Variants in PBX1 observed in about 807,000 individuals in gnomAD.
PBX1 encodes the protein pre-B-cell leukemia transcription factor 1.
Under a neutral mutation model 53.4 loss-of-function variants are expected in PBX1, and 6 were observed. The observed-to-expected ratio is 0.11, with a 90% CI of 0.06 to 0.22. The LOEUF (loss-of-function observed/expected upper bound fraction) is 0.22, where lower values mean the gene tolerates loss of function less well. Ranked by LOEUF, PBX1 falls within the 10% of genes least tolerant of loss-of-function variation. The pLI, the probability that PBX1 is intolerant of heterozygous loss-of-function variation, is 1.00. For synonymous variants in PBX1, 204 were observed against 212.3 expected (o/e 0.96, Z 0.34); for missense variants, 251 against 551.4 (o/e 0.46, Z 5.46).
At chr1:164,578,521 A>G (rs1654407582) in intron 2 of PBX1, among the ~76,000 whole-genome samples, 1 of 152,174 alleles carries the variant, frequency 6.6e-6, no homozygotes, top group African/African-American at 2.4e-5. Context: ...AACTTCTCCC[A>G]TGCCTGAAGT....
At chr1:164,640,451 G>A (rs1355180025) in intron 2 of PBX1, among the ~76,000 whole-genome samples, 1 of 151,882 alleles carries the variant, frequency 6.6e-6, no homozygotes, top group Non-Finnish European at 1.5e-5. Context: ...TCAGCAGATT[G>A]CTCCTGGTGC....
At chr1:164,818,615 G>A (rs1669989663) in intron 6 of PBX1, 1 of 151,776 alleles carries the variant, frequency 6.6e-6, no homozygotes, top group African/African-American at 2.4e-5. Flanking sequence ...ACATCCCACA[G>A]GACAAAGAAA....
At chr1:164,852,721 C>T (rs984501661), downstream of PBX1, among the ~76,000 whole-genome samples, 2 of 152,200 alleles carry the variant, frequency 1.3e-5, no homozygotes, top group African/African-American at 4.8e-5. Flanking sequence ...TAGATCAAAG[C>T]ATCCCCAGCC....
chr1:164,682,766 T>C (rs1393543960), intron 2 of PBX1: 2 of 152,172 alleles, frequency 1.3e-5, no homozygotes, highest in Non-Finnish European at 2.9e-5. Flanking sequence ...CTGTGGCTGC[T>C]GCCATTGCAG....
At chr1:164,606,654 G>A (rs1656581990) in intron 2 of PBX1, among the ~76,000 whole-genome samples, 1 of 152,168 alleles carries the variant, frequency 6.6e-6, no homozygotes, top group African/African-American at 2.4e-5. Context: ...TTTCCTGCTG[G>A]AACATAAGCT....
intron 2 of PBX1, among the ~76,000 whole-genome samples, chr1:164,748,824 C>T (rs780016938): frequency 7.2e-5 from 11 of 152,110 alleles, no homozygotes; most frequent in East Asian, 3.9e-4. Flanking sequence ...TCACCCTAAC[C>T]GCATGGGACT....
rs112751333 is a variant in PBX1 at position 164,748,263 on chromosome 1, C to T, written c.266-44231C>T. ...AAAAGGTGTGTGTGTCTCCAGGGTA[C>T]GTGGAGAGCCAGTTCATTGAGGTTC... On this transcript the variant is annotated intron_variant, in intron 2 of 8. Coordinates refer to ENST00000420696, the MANE Select transcript of PBX1 (RefSeq NM_002585.4). Among the ~76,000 whole-genome samples the T allele has an allele frequency of 5.1e-3, 775 of 152,240 alleles. 10 individuals are homozygous for T. Among genetic ancestry groups the T allele is most frequent in the African/African-American group, 0.018 (727 of 41,528 alleles).
Position 164,846,789 on chromosome 1 carries a change from A to G in PBX1, c.*113A>G. 7.0e-6 allele frequency: 11 copies of G among 1,582,396 alleles called. No homozygotes were observed. Among genetic ancestry groups the G allele is most frequent in the Non-Finnish European group, 8.6e-6 (10 of 1,164,990 alleles). On this transcript the variant is annotated 3_prime_UTR_variant, in exon 9 of 9. Coordinates refer to ENST00000420696, the MANE Select transcript of PBX1 (RefSeq NM_002585.4). ...CAGACTGGAGGTCGAAGCAATCAGC[A>G]AACACAATAAGAGTCTCCTTCTCTT...
At chr1:164,784,796 C>T (rs1192921404) in intron 2 of PBX1, among the ~76,000 whole-genome samples, 4 of 152,192 alleles carry the variant, frequency 2.6e-5, no homozygotes, top group African/African-American at 9.7e-5. Context: ...GCCGCAAATT[C>T]TTGCCTTTGT....
At chr1:164,877,759 G>T (rs551438607) in intron 2 of PBX1, among the ~76,000 whole-genome samples, 103 of 152,172 alleles carry the variant, frequency 6.8e-4, no homozygotes, top group African/African-American at 2.2e-3. Context: ...TACATTTGAA[G>T]TGTACAATTT....
At chr1:164,751,045 G>A (rs1666183843) in intron 2 of PBX1, among the ~76,000 whole-genome samples, 1 of 152,130 alleles carries the variant, frequency 6.6e-6, no homozygotes, top group Non-Finnish European at 1.5e-5. Flanking sequence ...GCTGGGTGCG[G>A]TGACTCATGC....
At chr1:164,639,845 G>A (rs1659010993) in intron 2 of PBX1, among the ~76,000 whole-genome samples, 1 of 151,932 alleles carries the variant, frequency 6.6e-6, no homozygotes, top group African/African-American at 2.4e-5. Flanking sequence ...TCTATTTTTT[G>A]TAGAGATGAG....
intron 2 of PBX1, among the ~76,000 whole-genome samples, chr1:164,747,119 G>C (rs1327164342): frequency 6.6e-6 from 1 of 152,072 alleles, no homozygotes; most frequent in South Asian, 2.1e-4. Context: ...AATTTGCTGA[G>C]TACCAGCTCT....
chr1:164,747,443 C>A (rs1381784767), intron 2 of PBX1, among the ~76,000 whole-genome samples: 2 of 151,952 alleles, frequency 1.3e-5, no homozygotes, highest in African/African-American at 4.8e-5. Context: ...TGCTTATATT[C>A]TTGGCCTGTT....
chr1:164,848,924 A>G lies in PBX1; in HGVS notation c.*2248A>G. ...CAAAAACTAAGTATTTAGCAAAATG[A>G]AATTATGCCTTGATGACTAAAAGGC... is the stretch of plus-strand genomic sequence containing the variant. On this transcript the variant is annotated 3_prime_UTR_variant, in exon 9 of 9. Coordinates refer to ENST00000420696, the MANE Select transcript of PBX1 (RefSeq NM_002585.4). 1 of 1,071,478 alleles carries G rather than the reference A, an allele frequency of 9.3e-7. No individual in the cohort carries two copies. Among genetic ancestry groups the G allele is most frequent in the Non-Finnish European group, 1.1e-6 (1 of 883,530 alleles). 66.4% of individuals were successfully genotyped at this position (1,071,478 alleles called of 1,614,324 possible).
At chr1:164,665,644 G>T (rs1390447662) in intron 2 of PBX1, among the ~76,000 whole-genome samples, 1 of 152,074 alleles carries the variant, frequency 6.6e-6, no homozygotes, top group African/African-American at 2.4e-5. Context: ...ATGTCTGGAG[G>T]GCCTGGCAGC....
rs201279083 is a variant in PBX1 at position 164,792,643 on chromosome 1, G to A, written c.415G>A (p.Ala139Thr). 5.0e-5 allele frequency: 81 copies of A among 1,613,908 alleles called. No homozygotes were observed. Among genetic ancestry groups the A allele is most frequent in the Non-Finnish European group, 6.3e-5 (74 of 1,179,934 alleles). ...GGCAGCGGCGGCGGCTTCTGGAGGG[G>A]CAGGTTCAGACAACTCAGTGGAGCA... ...AAAAAAASGG[A>T]GSDNSVEHSD... Residue 139 changes from alanine (A) to threonine (T), a missense_variant, in exon 3 of 9, where the codon GCA becomes ACA. Ala to Thr is a moderately conservative substitution (Grantham distance 58, BLOSUM62 0). Coordinates refer to ENST00000420696, the MANE Select transcript of PBX1 (RefSeq NM_002585.4).
intron 2 of PBX1, among the ~76,000 whole-genome samples, chr1:164,626,836 C>A (rs555794898): frequency 6.6e-6 from 1 of 152,282 alleles, no homozygotes; most frequent in Non-Finnish European, 1.5e-5. Flanking sequence ...CTGCAGGTTC[C>A]CCCTCTCTTT....
intron 2 of PBX1, among the ~76,000 whole-genome samples, chr1:164,589,713 A>G (rs779663498): frequency 3.9e-5 from 6 of 152,152 alleles, no homozygotes; most frequent in South Asian, 4.1e-4. Flanking sequence ...ACCTGTCACC[A>G]TGGGGAAGGA....
Sources: gnomAD v4.1 joint callset for allele counts (sites outside exome capture counted in the v4.1 genomes callset) on GRCh38, gnomAD v4.1.1 for gene constraint, MANE v1.5 for transcripts, NCBI Gene and HGNC (gene_info 2026-07-23, HGNC 2026-07-21) for gene names.